The following ACSM1 variants were observed in gnomAD, a reference collection of about 807,000 sequenced individuals.
The protein encoded by ACSM1 is acyl-CoA synthetase medium chain family member 1.
In ACSM1, 79 loss-of-function variants were observed where a neutral mutation model predicts 75.8. That is an observed-to-expected ratio of 1.04 (90% CI 0.87 to 1.26). The LOEUF (loss-of-function observed/expected upper bound fraction) is 1.26, where lower values mean the gene tolerates loss of function less well. ACSM1 is among the 50% of genes most tolerant of loss of function. The pLI, the probability that ACSM1 is intolerant of heterozygous loss-of-function variation, is 0.00. For missense variants in ACSM1, 676 were observed against 720.1 expected (o/e 0.94, Z 0.70); for synonymous variants, 279 against 265.8 (o/e 1.05, Z -0.48).
Position 20,682,354 on chromosome 16 carries a change from C to T in ACSM1, c.513G>A (p.Glu171=), listed in dbSNP as rs373190124. The change falls in exon 4 of 14, where the codon GAG becomes GAA. Residue 171 remains glutamate, a synonymous_variant. Transcript: ENST00000520010. ...GGCACTGAGAAGCTATGGAGTCCACCTCTGAGGCAAGGGCATCTATGGTCA... is the reference window on the plus strand; with the variant it reads ...GGCACTGAGAAGCTATGGAGTCCACTTCTGAGGCAAGGGCATCTATGGTCA... ...GIVTIDALAS[E]VDSIASQCPS... is the part of the protein sequence containing the mutation. 61 of 1,613,918 alleles carry T rather than the reference C, an allele frequency of 3.8e-5. No individual in the cohort carries two copies. Among genetic ancestry groups the T allele is most frequent in the Non-Finnish European group, 5.1e-5 (60 of 1,179,970 alleles).
At chr16:20,695,138 G>A (rs915079343) in intron 1 of ACSM1, among the ~76,000 whole-genome samples, 1 of 152,286 alleles carries the variant, frequency 6.6e-6, no homozygotes, top group East Asian at 1.9e-4. Context: ...TCACATGAGA[G>A]GGCCAAACAC....
At chr16:20,671,344 C>T (rs1375128171) in intron 5 of ACSM1, among the ~76,000 whole-genome samples, 187 bp downstream of exon 5, 3 of 151,806 alleles carry the variant, frequency 2.0e-5, no homozygotes, top group Non-Finnish European at 4.4e-5. Context: ...TTTAGGATTC[C>T]CAGCCTTCAC....
chr16:20,694,947 T>C (rs1166277773), intron 1 of ACSM1, among the ~76,000 whole-genome samples: 1 of 152,206 alleles, frequency 6.6e-6, no homozygotes, highest in African/African-American at 2.4e-5. Context: ...AAAACCACCC[T>C]GATCTTGGAC....
intron 7 of ACSM1, among the ~76,000 whole-genome samples, chr16:20,647,925 T>G (rs960721993): frequency 1.3e-5 from 2 of 152,200 alleles, no homozygotes; most frequent in African/African-American, 4.8e-5. Flanking sequence ...CTATCACAGC[T>G]GTTCATCATG....
intron 10 of ACSM1, among the ~76,000 whole-genome samples, chr16:20,628,330 G>C (rs909676748): frequency 1.3e-5 from 2 of 152,060 alleles, no homozygotes; most frequent in African/African-American, 4.8e-5. Flanking sequence ...GTTGTATGCA[G>C]TTTTATCACA....
intron 8 of ACSM1, among the ~76,000 whole-genome samples, chr16:20,639,847 G>C (rs1041766610): frequency 6.6e-6 from 1 of 152,110 alleles, no homozygotes; most frequent in Admixed American, 6.5e-5. Flanking sequence ...AAATCACTAA[G>C]CCAAAGGGAA....
chr16:20,663,511 G>A (rs765936209), intron 6 of ACSM1, among the ~76,000 whole-genome samples: 3 of 152,036 alleles, frequency 2.0e-5, no homozygotes, highest in African/African-American at 7.2e-5. Flanking sequence ...TAGCCTCCAC[G>A]GCCTTGTGTT....
chr16:20,647,202 C>A (rs753985364), intron 7 of ACSM1, among the ~76,000 whole-genome samples: 9 of 152,122 alleles, frequency 5.9e-5, no homozygotes, highest in Non-Finnish European at 1.0e-4. Flanking sequence ...ATAAATGAAC[C>A]ATGTGGATGC....
intron 4 of ACSM1, among the ~76,000 whole-genome samples, chr16:20,677,887 T>C (rs1378854289): frequency 6.6e-6 from 1 of 152,094 alleles, no homozygotes; most frequent in African/African-American, 2.4e-5. Context: ...GGCTTTTAAC[T>C]GCTGAAAGTA....
chr16:20,648,413 T>A lies in ACSM1; in HGVS notation c.993-7829A>T, dbSNP rs1393046170. 6.6e-6 allele frequency among the ~76,000 whole-genome samples: 1 copy of A among 152,042 alleles called. No individual in the cohort carries two copies. Among genetic ancestry groups the A allele is most frequent in the Non-Finnish European group, 1.5e-5 (1 of 68,006 alleles). ...TCAGGATGGTAATGTAAACCAAAAA[T>A]GAAATTTTAAGCAGCCCCAGCCAAC... is the stretch of plus-strand genomic sequence containing the variant. On this transcript the variant is annotated intron_variant, in intron 7 of 13. Transcript: ENST00000520010. This position sits in a 1 kb window ranked among gnomAD's most constrained non-coding sequence, Gnocchi z 4.2.
intron 12 of ACSM1, among the ~76,000 whole-genome samples, chr16:20,624,701 CTT>C (rs922582920): frequency 6.7e-6 from 1 of 149,794 alleles, no homozygotes; most frequent in South Asian, 2.1e-4. Flanking sequence ...TTAATAAAGA[CTT>C]TTTTTTTTCA....
At chr16:20,650,269 G>A (rs925614706) in intron 7 of ACSM1, among the ~76,000 whole-genome samples, 43 of 152,086 alleles carry the variant, frequency 2.8e-4, no homozygotes, top group African/African-American at 1.0e-3. Flanking sequence ...ATTTGCATGA[G>A]GAACTGAAGT....
Position 20,637,451 on chromosome 16 carries a change from C to T in ACSM1, c.1117G>A (p.Gly373Arg), listed in dbSNP as rs984197016. 2.5e-6 allele frequency: 4 copies of T among 1,613,564 alleles called. No homozygotes were observed. The highest frequency in any genetic ancestry group is 2.2e-5 in the South Asian group (2 of 91,048). ...LYENYGQSETGLICATYWGMK... is the reference protein window; with the variant it reads ...LYENYGQSETRLICATYWGMK... ...CCCCAGTAGGTGGCACAAATTAGTC[C>T]CTGTTCACAAAAGAAAGAAGATTTG... The change falls in exon 9 of 14, where the codon GGA (glycine) becomes AGA (arginine). Residue 373 changes from glycine to arginine, a missense_variant and splice_region_variant. Coordinates refer to ENST00000520010, the MANE Select transcript of ACSM1 (RefSeq NM_001318890.3).
intron 4 of ACSM1, among the ~76,000 whole-genome samples, chr16:20,673,144 C>T (rs924119944): frequency 2.0e-5 from 3 of 149,540 alleles, no homozygotes; most frequent in Non-Finnish European, 4.4e-5. Context: ...TTACTGCGAT[C>T]AATGTACCTC....
intron 10 of ACSM1, among the ~76,000 whole-genome samples, chr16:20,630,774 CAGAAG>C (rs1192948408): frequency 6.6e-6 from 1 of 152,070 alleles, no homozygotes; most frequent in African/African-American, 2.4e-5. Context: ...TATATTAGGC[CAGAAG>C]AGAAGTATTA....
chr16:20,662,998 G>T (rs1025022960), intron 6 of ACSM1, among the ~76,000 whole-genome samples: 1 of 152,146 alleles, frequency 6.6e-6, no homozygotes, highest in South Asian at 2.1e-4. Flanking sequence ...GGCAGGACTG[G>T]CTTCTCTGTC....
At chr16:20,652,746 T>C (rs1187346277) in intron 7 of ACSM1, among the ~76,000 whole-genome samples, 2 of 152,112 alleles carry the variant, frequency 1.3e-5, no homozygotes, top group African/African-American at 2.4e-5. Context: ...GGCTCTGAAA[T>C]TGAGGCAATA....
intron 7 of ACSM1, among the ~76,000 whole-genome samples, chr16:20,650,156 T>C (rs1422465718): frequency 6.6e-6 from 1 of 152,202 alleles, no homozygotes; most frequent in Admixed American, 6.5e-5. Context: ...TCCTAGGTAG[T>C]TGTTGTTTCA....
chr16:20,688,970 CAT>C (rs1413482100), intron 2 of ACSM1, among the ~76,000 whole-genome samples: 3 of 147,908 alleles, frequency 2.0e-5, no homozygotes, highest in Admixed American at 1.4e-4. Context: ...AACTTATTAA[CAT>C]ATATTTAATA....
Sources: gnomAD v4.1 joint callset for allele counts (sites outside exome capture counted in the v4.1 genomes callset) on GRCh38, gnomAD v4.1.1 for gene constraint, Gnocchi (gnomAD v3.1) non-coding constraint, MANE v1.5 for transcripts, NCBI Gene and HGNC (gene_info 2026-07-23, HGNC 2026-07-21) for gene names.